The following CATSPERB variants were observed in gnomAD, a reference collection of about 807,000 sequenced individuals.
CATSPERB encodes catsper channel auxiliary subunit beta.
Under a neutral mutation model 128.3 loss-of-function variants are expected in CATSPERB, and 93 were observed. That is an observed-to-expected ratio of 0.72 (90% confidence interval 0.61 to 0.86). CATSPERB has a LOEUF of 0.86. Among genes scored for constraint, CATSPERB ranks in the 40% least tolerant of loss-of-function variants. The pLI is 0.00. For missense variants in CATSPERB, 1,153 were observed against 1,329.5 expected, an observed-to-expected ratio of 0.87 and a Z score of 2.06; for synonymous variants, 381 against 448.8, an observed-to-expected ratio of 0.85 and a Z score of 1.91.
chr14:91,602,862 T>TTCA (rs1416353498), intron 22 of CATSPERB, among the ~76,000 whole-genome samples: 3 of 152,194 alleles, frequency 2.0e-5, no homozygotes, highest in Non-Finnish European at 4.4e-5. Flanking sequence ...CTTGCTCTTC[T>TTCA]TCATCATATC....
chr14:91,589,609 C>T lies in CATSPERB; in HGVS notation c.2881G>A (p.Asp961Asn), dbSNP rs772944829. ...GGAGATTGCAATGGGACACGTCCAT[C>T]CTCGTTGATAATTTCCAAAGAAACT... ...YPVSLEIINEDGRVPLQSPYL... is the reference protein window; with the variant it reads ...YPVSLEIINENGRVPLQSPYL... The change falls in exon 24 of 27, where the codon GAT (aspartate) becomes AAT (asparagine). Residue 961 changes from aspartate to asparagine, a missense_variant. Coordinates refer to ENST00000256343, the MANE Select transcript of CATSPERB (RefSeq NM_024764.4). 1 of 1,613,856 alleles carries T rather than the reference C, an allele frequency of 6.2e-7. No individual in the cohort carries two copies. The highest frequency in any genetic ancestry group is 2.2e-5 in the East Asian group (1 of 44,878).
At chr14:91,714,911 A>G (rs184895052) in intron 5 of CATSPERB, 20 of 152,468 alleles carry the variant, frequency 1.3e-4, no homozygotes, top group Non-Finnish European at 2.6e-4. Flanking sequence ...CCAACAAAAT[A>G]GAAACCACTC....
intron 10 of CATSPERB, among the ~76,000 whole-genome samples, chr14:91,685,995 A>T (rs1352888437): frequency 6.6e-6 from 1 of 152,178 alleles, no homozygotes; most frequent in Non-Finnish European, 1.5e-5. Context: ...CTCATGCCAA[A>T]TCCCTAATTT....
intron 11 of CATSPERB, among the ~76,000 whole-genome samples, chr14:91,679,595 T>C (rs1479119585): frequency 2.0e-5 from 3 of 152,234 alleles, no homozygotes; most frequent in Non-Finnish European, 2.9e-5. Context: ...TACAGCCACA[T>C]AACCTTCTAT....
At chr14:91,690,641 TCA>T (rs372933131) in intron 10 of CATSPERB, among the ~76,000 whole-genome samples, 240 of 152,388 alleles carry the variant, frequency 1.6e-3, no homozygotes, top group Admixed American at 2.4e-3. Flanking sequence ...TCTGGCTCTC[TCA>T]GTTATCTGCT....
intron 4 of CATSPERB, among the ~76,000 whole-genome samples, chr14:91,721,144 T>TA (rs1226131319): frequency 2.0e-5 from 3 of 152,152 alleles, no homozygotes; most frequent in Non-Finnish European, 4.4e-5. Flanking sequence ...ACATGTGGGA[T>TA]AAAATTTCAT....
At chr14:91,691,292 C>T (rs1895466858) in intron 10 of CATSPERB, among the ~76,000 whole-genome samples, 2 of 152,106 alleles carry the variant, frequency 1.3e-5, no homozygotes, top group South Asian at 4.1e-4. Context: ...AGGAGCACTT[C>T]TTCCTTTGAA....
intron 15 of CATSPERB, among the ~76,000 whole-genome samples, chr14:91,658,381 G>A (rs1894821021): frequency 1.3e-5 from 2 of 151,886 alleles, no homozygotes; most frequent in African/African-American, 4.8e-5. Flanking sequence ...GTTACCAGAG[G>A]CTGGGAAGGG....
chr14:91,658,693 A>G, intron 15 of CATSPERB, among the ~76,000 whole-genome samples: 1 of 140,912 alleles, frequency 7.1e-6, no homozygotes. Flanking sequence ...CACAAAAATT[A>G]AGAATAAAAT....
At chr14:91,603,711 G>A (rs61991993) in intron 22 of CATSPERB, among the ~76,000 whole-genome samples, 1 of 152,130 alleles carries the variant, frequency 6.6e-6, no homozygotes, top group Non-Finnish European at 1.5e-5. Context: ...GGCAGGAAGA[G>A]AGGGAGGAGG....
intron 11 of CATSPERB, among the ~76,000 whole-genome samples, chr14:91,680,538 A>G (rs763477751): frequency 6.6e-5 from 10 of 152,180 alleles, no homozygotes; most frequent in Non-Finnish European, 1.2e-4. Flanking sequence ...TATGCTGTTT[A>G]AAAGGAATTT....
chr14:91,601,785 A>C (rs1893611798), intron 22 of CATSPERB, among the ~76,000 whole-genome samples: 1 of 152,104 alleles, frequency 6.6e-6, no homozygotes, highest in African/African-American at 2.4e-5. Context: ...TTTTTTCCCC[A>C]AAAATATATA....
At position 91,610,642 on chromosome 14, in the gene CATSPERB, G is replaced by C; in HGVS notation, c.2436C>G (p.Ala812=). Residue 812 remains alanine, a synonymous_variant, in exon 21 of 27, where the codon GCC becomes GCG. Transcript: ENST00000256343. ...TTGTCGTAACAAAGCACTCAGTAGA[G>C]GCTGACCACATAATAAATGCCAGTG... is the stretch of plus-strand genomic sequence containing the variant. ...STSLAFIMWS[A]STECFVTTMV... 1.2e-6 allele frequency: 2 copies of C among 1,614,072 alleles called. No individual in the cohort carries two copies. The highest frequency in any genetic ancestry group is 1.7e-6 in the Non-Finnish European group (2 of 1,180,018).
In CATSPERB at chr14:91,656,712, G is replaced by A. The variant is rs115446866; in HGVS notation, c.1432+3125C>T. Among the ~76,000 whole-genome samples the A allele has an allele frequency of 5.1e-3, 773 of 152,180 alleles. 9 individuals carry two copies. Among genetic ancestry groups the A allele is most frequent in the African/African-American group, 0.018 (742 of 41,542 alleles). On this transcript the variant is annotated intron_variant, in intron 15 of 26. Coordinates refer to ENST00000256343, the MANE Select transcript of CATSPERB (RefSeq NM_024764.4). ...AAACTCTCCAATCAAAAGACATAGA[G>A]TGCCTGAATGGATTTTTTTTAAAAA...
intron 2 of CATSPERB, among the ~76,000 whole-genome samples, chr14:91,729,075 C>T (rs1896166764): frequency 6.6e-6 from 1 of 152,168 alleles, no homozygotes; most frequent in Non-Finnish European, 1.5e-5. Context: ...TGTGGTGGCT[C>T]ATGCCTGTAA....
chr14:91,608,202 C>T lies in CATSPERB; in HGVS notation c.2709+92G>A, dbSNP rs559323706. 1.1e-4 allele frequency: 85 copies of T among 767,690 alleles called. 1 individual carries two copies. The highest frequency in any genetic ancestry group is 9.9e-4 in the South Asian group (57 of 57,454). The allele number at this position is 767,690 out of a possible 1,614,324, so 47.6% of individuals were successfully genotyped here. ...ATCACGATAATAACAGCTTCACCTT[C>T]TCATTTAACACTTATAGCTATATAT... On this transcript the variant is annotated intron_variant, in intron 22 of 26. Coordinates refer to ENST00000256343, the MANE Select transcript of CATSPERB (RefSeq NM_024764.4).
intron 22 of CATSPERB, among the ~76,000 whole-genome samples, chr14:91,602,233 C>G (rs1454255436): frequency 2.6e-5 from 4 of 152,088 alleles, no homozygotes; most frequent in Admixed American, 1.3e-4. Context: ...CATCACAAAA[C>G]CTCTATCTCA....
chr14:91,698,029 C>T (rs753258429), intron 7 of CATSPERB, among the ~76,000 whole-genome samples: 7 of 151,932 alleles, frequency 4.6e-5, no homozygotes, highest in African/African-American at 7.3e-5. Flanking sequence ...TTTTTCCATT[C>T]GTTTGTATCA....
At chr14:91,590,644 TTG>T (rs1323409303) in intron 23 of CATSPERB, among the ~76,000 whole-genome samples, 1 of 151,676 alleles carries the variant, frequency 6.6e-6, no homozygotes, top group African/African-American at 2.4e-5. Context: ...ATGTCTTTTT[TTG>T]TTTGTTTGTT....
Sources: allele counts gnomAD v4.1 joint callset (sites outside exome capture counted in the v4.1 genomes callset), GRCh38; gene constraint gnomAD v4.1.1; transcripts MANE v1.5; gene names NCBI Gene and HGNC (gene_info 2026-07-23, HGNC 2026-07-21).